Variants in KLK3 observed in about 807,000 individuals in gnomAD.
The protein encoded by KLK3 is prostate-specific antigen.
Under a neutral mutation model 27.7 loss-of-function variants are expected in KLK3, and 23 were observed. That is an observed-to-expected ratio of 0.83 (90% CI 0.60 to 1.17). The LOEUF (loss-of-function observed/expected upper bound fraction) is 1.17, where lower values mean the gene tolerates loss of function less well. KLK3 is among the 50% of genes most tolerant of loss of function. The probability of loss-of-function intolerance (pLI) is 0.00; values close to 1 mark genes in which losing one functional copy is unlikely to be tolerated. For missense variants in KLK3, 322 were observed against 338.1 expected (o/e 0.95, Z 0.37); for synonymous variants, 142 against 134.2 (o/e 1.06, Z -0.40).
At position 50,858,208 on chromosome 19, in the gene KLK3, C is replaced by T; in HGVS notation, c.386C>T (p.Pro129Leu). The change falls in exon 3 of 5, where the codon CCT becomes CTT. Residue 129 changes from proline (P) to leucine (L), a missense_variant. Physicochemically the swap from Pro to Leu is moderately conservative, Grantham distance 98. Coordinates refer to ENST00000326003, the MANE Select transcript of KLK3 (RefSeq NM_001648.2). Reference sequence around the variant, plus strand: ...CTCATGCTGCTCCGCCTGTCAGAGCCTGCCGAGCTCACGGATGCTGTGAAG... The same window carrying T: ...CTCATGCTGCTCCGCCTGTCAGAGCTTGCCGAGCTCACGGATGCTGTGAAG... Reference protein sequence around the residue: ...HDLMLLRLSEPAELTDAVKVM... With the variant: ...HDLMLLRLSELAELTDAVKVM... 6.2e-7 allele frequency: 1 copy of T among 1,614,228 alleles called. No individual in the cohort carries two copies. The highest frequency in any genetic ancestry group is 8.5e-7 in the Non-Finnish European group (1 of 1,180,050).
At chr19:50,857,178 AAAAAAGAAAAG>A (rs2090154955) in intron 2 of KLK3, among the ~76,000 whole-genome samples, 3 of 150,002 alleles carry the variant, frequency 2.0e-5, no homozygotes, top group African/African-American at 7.3e-5. Context: ...AAAAAAAAAA[AAAAAAGAAAAG>A]AAAAGAAAAG....
rs1028025932 is a variant in KLK3 at position 50,858,225 on chromosome 19, G to A, written c.403G>A (p.Ala135Thr). The change falls in exon 3 of 5, where the codon GCT (alanine) becomes ACT (threonine). Residue 135 changes from alanine (A) to threonine (T), a missense_variant. Coordinates refer to ENST00000326003, the MANE Select transcript of KLK3 (RefSeq NM_001648.2). ...RLSEPAELTD[A>T]VKVMDLPTQE... ...GTCAGAGCCTGCCGAGCTCACGGATGCTGTGAAGGTCATGGACCTGCCCAC... is the reference window on the plus strand; with the variant it reads ...GTCAGAGCCTGCCGAGCTCACGGATACTGTGAAGGTCATGGACCTGCCCAC... 5 of 1,614,120 alleles carry A rather than the reference G, an allele frequency of 3.1e-6. No homozygotes were observed. Among genetic ancestry groups the A allele is most frequent in the Non-Finnish European group, 4.2e-6 (5 of 1,180,056 alleles).
intron 2 of KLK3, among the ~76,000 whole-genome samples, chr19:50,857,183 A>AG (rs1555770271): frequency 6.1e-4 from 79 of 128,986 alleles, no homozygotes; most frequent in African/African-American, 2.0e-3. Flanking sequence ...AAAAAAAAAA[A>AG]GAAAAGAAAA....
At chr19:50,856,143 T>G in intron 1 of KLK3, 97 bp from the exon 2 acceptor site, 1 of 1,081,146 alleles carries the variant, frequency 9.2e-7, no homozygotes, top group African/African-American at 1.6e-5. Flanking sequence ...TCTGCCCCCG[T>G]GTCTTTTCAA....
chr19:50,859,764 C>T, intron 4 of KLK3: 2 of 1,483,196 alleles, frequency 1.3e-6, no homozygotes, highest in South Asian at 1.4e-5. Context: ...CCTGAAGTCC[C>T]TTCCCCACCG....
In KLK3 at chr19:50,857,162, C is replaced by CAAAAA. The variant is rs560911495; in HGVS notation, c.206+780_206+784dup. 3.6e-3 allele frequency among the ~76,000 whole-genome samples: 165 copies of CAAAAA among 45,828 alleles called. 7 individuals are homozygous for CAAAAA. The highest frequency in any genetic ancestry group is 6.6e-3 in the African/African-American group (88 of 13,358). 30.1% of individuals were successfully genotyped at this position (45,828 alleles called of 152,430 possible). On this transcript the variant is annotated intron_variant, in intron 2 of 4. Coordinates refer to ENST00000326003, the MANE Select transcript of KLK3 (RefSeq NM_001648.2). ...TGGGTGACAGAGTGAGACTCCGCCT[C>CAAAAA]AAAAAAAAAAAAAAAAAAAAAGAAA...
chr19:50,860,600 G>T lies in KLK3; in HGVS notation c.*473G>T, dbSNP rs2090179532. On this transcript the variant is annotated 3_prime_UTR_variant, in exon 5 of 5. Transcript: ENST00000326003. Reference sequence around the variant, plus strand: ...CTAGAGAAGGCTGTGAGCCAAGGAGGGAGGGTCTTCCTTTGGCATGGGATG... The same window carrying T: ...CTAGAGAAGGCTGTGAGCCAAGGAGTGAGGGTCTTCCTTTGGCATGGGATG... 2.0e-5 allele frequency: 3 copies of T among 152,870 alleles called. No individual in the cohort carries two copies. The highest frequency in any genetic ancestry group is 2.1e-4 in the South Asian group (1 of 4,834). 9.5% of individuals were successfully genotyped at this position (152,870 alleles called of 1,614,324 possible).
At chr19:50,856,919 T>C (rs2090151597) in intron 2 of KLK3, among the ~76,000 whole-genome samples, 1 of 151,966 alleles carries the variant, frequency 6.6e-6, no homozygotes, top group African/African-American at 2.4e-5. Context: ...TCCCAGCACT[T>C]TGGGAGGCCA....
chr19:50,855,103 G>C, intron 1 of KLK3, 102 bp downstream of exon 1: 8 of 1,220,506 alleles, frequency 6.6e-6, no homozygotes, highest in Non-Finnish European at 9.5e-6. Flanking sequence ...CCCAGACAGG[G>C]AGCTGGGCTC....
intron 4 of KLK3, among the ~76,000 whole-genome samples, chr19:50,859,207 C>T (rs980298530): frequency 6.6e-6 from 1 of 151,998 alleles, no homozygotes; most frequent in East Asian, 1.9e-4. Flanking sequence ...GGGCAGGGTG[C>T]GAGAGGGAAG....
At chr19:50,857,106 T>C (rs1599991728) in intron 2 of KLK3, among the ~76,000 whole-genome samples, 1 of 130,726 alleles carries the variant, frequency 7.6e-6, no homozygotes, top group Non-Finnish European at 1.5e-5. Flanking sequence ...GAGGTTGCAG[T>C]GAGCCGAGAC....
rs376483907 is a variant in KLK3, at chr19:50,858,281, C to T, written c.459C>T (p.Tyr153=). ...TQEPALGTTC[Y]ASGWGSIEPE... ...AGCCAGCACTGGGGACCACCTGCTA[C>T]GCCTCAGGCTGGGGCAGCATTGAAC... is the stretch of plus-strand genomic sequence containing the variant. Residue 153 remains tyrosine (Y), a synonymous_variant, in exon 3 of 5, where the codon TAC becomes TAT. Transcript: ENST00000326003. 72 of 1,613,998 alleles carry T rather than the reference C, an allele frequency of 4.5e-5. No homozygotes were observed. The highest frequency in any genetic ancestry group is 3.0e-4 in the Admixed American group (18 of 60,024).
At chr19:50,855,127 C>T in intron 1 of KLK3, 126 bp downstream of exon 1, 2 of 927,580 alleles carry the variant, frequency 2.2e-6, no homozygotes, top group Non-Finnish European at 3.4e-6. Context: ...TCTGTCTCTC[C>T]CAGCCCCACT....
At position 50,860,077 on chromosome 19, in the gene KLK3, G is replaced by T. The variant is rs538660698; in HGVS notation, c.736G>T (p.Val246Leu). 2 of 1,614,090 alleles carry T rather than the reference G, an allele frequency of 1.2e-6. No individual in the cohort carries two copies. Among genetic ancestry groups the T allele is most frequent in the Admixed American group, 1.7e-5 (1 of 60,018 alleles). ...LPERPSLYTK[V>L]VHYRKWIKDT... ...CGAAAGGCCTTCCCTGTACACCAAG[G>T]TGGTGCATTACCGGAAGTGGATCAA... The change falls in exon 5 of 5, where the codon GTG (valine) becomes TTG (leucine). Residue 246 changes from valine (V) to leucine (L), a missense_variant. Physicochemically the swap from Val to Leu is conservative, Grantham distance 32. Transcript: ENST00000326003.
chr19:50,858,690 C>T lies in KLK3; in HGVS notation c.630+95C>T, dbSNP rs537446280. 1.8e-5 allele frequency: 25 copies of T among 1,406,474 alleles called. No homozygotes were observed. The Admixed American group carries it at 2.4e-4, about 13-fold the overall frequency. 87.1% of individuals were successfully genotyped at this position (1,406,474 alleles called of 1,614,324 possible). ...TAGAAGCCAACAAGGCGTCTGCCTC[C>T]CCTGCTCCCCAGCTGTAGCCATGCC... On this transcript the variant is annotated intron_variant, in intron 4 of 4. Coordinates refer to ENST00000326003, the MANE Select transcript of KLK3 (RefSeq NM_001648.2).
intron 4 of KLK3, chr19:50,859,555 C>A: frequency 6.2e-7 from 1 of 1,613,746 alleles, no homozygotes; most frequent in Non-Finnish European, 8.5e-7. Context: ...ACCGAACTGA[C>A]CATGCCAGCC....
In KLK3 at chr19:50,856,342, G is replaced by A. The variant is rs1472740272; in HGVS notation, c.149G>A (p.Cys50Tyr). 6.2e-7 allele frequency: 1 copy of A among 1,613,826 alleles called. No individual in the cohort carries two copies. The highest frequency in any genetic ancestry group is 1.7e-5 in the Admixed American group (1 of 60,028). Reference sequence around the variant, plus strand: ...GTGGCCTCTCGTGGCAGGGCAGTCTGCGGCGGTGTTCTGGTGCACCCCCAG... The same window carrying A: ...GTGGCCTCTCGTGGCAGGGCAGTCTACGGCGGTGTTCTGGTGCACCCCCAG... ...VLVASRGRAV[C>Y]GGVLVHPQWV... Residue 50 changes from cysteine (C) to tyrosine (Y), a missense_variant, in exon 2 of 5, where the codon TGC becomes TAC. By Grantham distance (194) the Cys-to-Tyr change is radical. Coordinates refer to ENST00000326003, the MANE Select transcript of KLK3 (RefSeq NM_001648.2).
chr19:50,860,040 A>G lies in KLK3; in HGVS notation c.699A>G (p.Pro233=), dbSNP rs79245399. 1,180 of 1,614,116 alleles carry G rather than the reference A, an allele frequency of 7.3e-4. 5 individuals are homozygous for G. In the African/African-American group the frequency reaches 0.014, roughly 19 times the overall value. The stretch of plus-strand genomic sequence containing the variant: ...GTATCACGTCATGGGGCAGTGAACC[A>G]TGTGCCCTGCCCGAAAGGCCTTCCC... ...LQGITSWGSE[P]CALPERPSLY... Residue 233 remains proline (P), a synonymous_variant, in exon 5 of 5, where the codon CCA becomes CCG. Coordinates refer to ENST00000326003, the MANE Select transcript of KLK3 (RefSeq NM_001648.2).
chr19:50,858,454 C>G lies in KLK3; in HGVS notation c.494-5C>G, dbSNP rs570067587. 1 of 1,614,138 alleles carries G rather than the reference C, an allele frequency of 6.2e-7. No individual in the cohort carries two copies. The highest frequency in any genetic ancestry group is 1.1e-5 in the South Asian group (1 of 91,078). On this transcript the variant is annotated splice_polypyrimidine_tract_variant and splice_region_variant and intron_variant, in intron 3 of 4. Transcript: ENST00000326003. Reference sequence around the variant, plus strand: ...CCCACAACAGTGTTTTTGCCTGGCCCGTAGTCTTGACCCCAAAGAAACTTC... The same window carrying G: ...CCCACAACAGTGTTTTTGCCTGGCCGGTAGTCTTGACCCCAAAGAAACTTC...
Sources: gnomAD v4.1 joint callset for allele counts (sites outside exome capture counted in the v4.1 genomes callset) on GRCh38, gnomAD v4.1.1 for gene constraint, MANE v1.5 for transcripts, NCBI Gene and HGNC (gene_info 2026-07-23, HGNC 2026-07-21) for gene names.